PI4KA: variants seen among roughly 807,000 people sequenced by gnomAD.
PI4KA encodes phosphatidylinositol 4-kinase alpha.
A neutral mutation model predicts 271.4 loss-of-function variants in PI4KA; 122 were observed. The ratio of observed to expected loss-of-function variants is 0.45; its 90% CI spans 0.39 to 0.52. The LOEUF is 0.52. Ranked by LOEUF, PI4KA falls within the 20% of genes least tolerant of loss-of-function variation. The pLI is 0.00. For synonymous variants in PI4KA, 1,041 were observed against 1,078.8 expected (o/e 0.96, Z 0.69); for missense variants, 1,969 against 2,769.1 (o/e 0.71, Z 6.48).
chr22:20,769,880 G>T (rs1932795572), intron 19 of PI4KA, among the ~76,000 whole-genome samples: 1 of 152,150 alleles, frequency 6.6e-6, no homozygotes, highest in Non-Finnish European at 1.5e-5. Context: ...AGGAGTGATG[G>T]TAGCACAGCA....
At chr22:20,736,918 C>G (rs1204346937) in intron 32 of PI4KA, 1 of 153,350 alleles carries the variant, frequency 6.5e-6, no homozygotes, top group Admixed American at 6.5e-5. Flanking sequence ...AGGGGCCACA[C>G]TGGCAGCTAC....
intron 44 of PI4KA, 109 bp from the exon 45 acceptor site, chr22:20,717,887 G>A (rs1268313029): frequency 1.5e-5 from 11 of 722,022 alleles, no homozygotes; most frequent in South Asian, 3.1e-5. Flanking sequence ...CTCTCTTCCC[G>A]GCTCTAGCTG....
At chr22:20,808,070 C>T (rs1423820029) in intron 9 of PI4KA, among the ~76,000 whole-genome samples, 1 of 151,680 alleles carries the variant, frequency 6.6e-6, no homozygotes, top group Non-Finnish European at 1.5e-5. Flanking sequence ...GAGGGTGGAT[C>T]ACCTGAGGTC....
At chr22:20,746,205 G>GTA (rs1316554148) in intron 29 of PI4KA, among the ~76,000 whole-genome samples, 4 of 151,802 alleles carry the variant, frequency 2.6e-5, no homozygotes, top group Middle Eastern at 3.4e-3. Context: ...TGGGACTACA[G>GTA]GCGCCTGCCA....
chr22:20,742,221 G>C lies in PI4KA; in HGVS notation c.3741+7C>G, dbSNP rs756604212. 6.2e-6 allele frequency: 10 copies of C among 1,613,536 alleles called. No homozygotes were observed. The highest frequency in any genetic ancestry group is 7.6e-6 in the Non-Finnish European group (9 of 1,179,724). On this transcript the variant is annotated splice_region_variant and intron_variant, in intron 32 of 54. Transcript: ENST00000255882. ...TCCTCACTGCCAACCCGAGGTCAGG[G>C]TCCTACCGGCACTTCCACTCCATCC...
At chr22:20,797,598 A>G (rs1204726945) in intron 17 of PI4KA, among the ~76,000 whole-genome samples, 1 of 152,198 alleles carries the variant, frequency 6.6e-6, no homozygotes, top group East Asian at 1.9e-4. Flanking sequence ...AAGGCAATGA[A>G]GTAGTATCGA....
At chr22:20,777,009 A>G (rs1425364673) in intron 19 of PI4KA, among the ~76,000 whole-genome samples, 5 of 151,658 alleles carry the variant, frequency 3.3e-5, no homozygotes, top group African/African-American at 1.2e-4. Flanking sequence ...GGTCACAGAC[A>G]CAAAATAAGC....
At chr22:20,821,058 G>C (rs1453105964) in intron 4 of PI4KA, among the ~76,000 whole-genome samples, 2 of 152,138 alleles carry the variant, frequency 1.3e-5, no homozygotes, top group Non-Finnish European at 2.9e-5. Flanking sequence ...GTAGTGCTCA[G>C]AATAAAATAC....
chr22:20,818,163 C>T (rs1379929175), intron 7 of PI4KA, among the ~76,000 whole-genome samples: 2 of 152,066 alleles, frequency 1.3e-5, no homozygotes, highest in Non-Finnish European at 2.9e-5. Context: ...GTACTTCCAC[C>T]TGAAAAGAAC....
intron 19 of PI4KA, chr22:20,779,583 G>A (rs372976032): frequency 8.7e-6 from 14 of 1,614,200 alleles, no homozygotes; most frequent in East Asian, 2.2e-5. Context: ...TGAAGACGAC[G>A]ACTACATCGA....
Position 20,815,926 on chromosome 22 carries a change from G to A in PI4KA, c.857-2420C>T, listed in dbSNP as rs117963813. Among the ~76,000 whole-genome samples the A allele has an allele frequency of 8.1e-3, 1,226 of 151,488 alleles. 9 individuals are homozygous for A. Among genetic ancestry groups the A allele is most frequent in the East Asian group, 0.056 (286 of 5,146 alleles). ...AACATTTGGGATTTACGCAGGGGGT[G>A]TCATTGAAACTTCTTTTTTTTTTTT... On this transcript the variant is annotated intron_variant, in intron 7 of 54. Coordinates refer to ENST00000255882, the MANE Select transcript of PI4KA (RefSeq NM_058004.4).
intron 45 of PI4KA, among the ~76,000 whole-genome samples, chr22:20,714,932 C>T (rs558889993): frequency 6.6e-6 from 1 of 152,318 alleles, no homozygotes; most frequent in Non-Finnish European, 1.5e-5. Flanking sequence ...TAAGTCTGCA[C>T]CTTCTGGGAA....
intron 19 of PI4KA, among the ~76,000 whole-genome samples, chr22:20,788,647 T>C (rs955683584): frequency 5.3e-5 from 8 of 152,240 alleles, no homozygotes; most frequent in African/African-American, 1.9e-4. Context: ...AGGGGCTGGA[T>C]GAATTGCCCC....
In PI4KA at chr22:20,818,545, C is replaced by G; in HGVS notation, c.794G>C (p.Ser265Thr). 2 of 1,542,272 alleles carry G rather than the reference C, an allele frequency of 1.3e-6. No homozygotes were observed. The highest frequency in any genetic ancestry group is 2.5e-5 in the South Asian group (2 of 78,638). The change falls in exon 7 of 55, where the codon AGC becomes ACC. Residue 265 changes from serine (S) to threonine (T), a missense_variant. Physicochemically the swap from Ser to Thr is moderately conservative, Grantham distance 58 (BLOSUM62 1). Transcript: ENST00000255882. ...TSSVSSISQV[S>T]PERGMPPPSS... is the part of the protein sequence containing the mutation. The stretch of plus-strand genomic sequence containing the variant: ...GGGAGGGGGCATGCCGCGTTCAGGG[C>G]TGACCTGAAACACACAACCACAGTT...
At chr22:20,816,772 C>T (rs753301644) in intron 7 of PI4KA, among the ~76,000 whole-genome samples, 2 of 152,196 alleles carry the variant, frequency 1.3e-5, no homozygotes, top group Non-Finnish European at 2.9e-5. Flanking sequence ...GCAAAGTGGG[C>T]GGCAGCCAAG....
At chr22:20,799,013 G>A in intron 16 of PI4KA, 80 bp downstream of exon 16, 1 of 1,161,906 alleles carries the variant, frequency 8.6e-7, no homozygotes, top group Non-Finnish European at 1.2e-6. Flanking sequence ...TATTTAATCT[G>A]TATTTGTACA....
chr22:20,744,630 C>A lies in PI4KA; in HGVS notation c.3454G>T (p.Glu1152Ter). Residue 1152 changes from glutamate (E) to a stop codon, truncating the protein, a stop_gained and splice_region_variant, in exon 30 of 55, where the codon GAG becomes TAG. Coordinates refer to ENST00000255882, the MANE Select transcript of PI4KA (RefSeq NM_058004.4). LOFTEE classifies it high-confidence loss of function. ...GGGCGCAAGGACAAGAGAAGCACCT[C>A]GCCCGCGTAGCGGTTGCGCAGATTC... ...SLNLRNRYAG[E>*]VYGMIRFSGT... The A allele has an allele frequency of 6.2e-7, 1 of 1,613,024 alleles. No individual in the cohort carries two copies.
At chr22:20,827,324 A>G (rs762046037) in intron 3 of PI4KA, among the ~76,000 whole-genome samples, 8 of 152,054 alleles carry the variant, frequency 5.3e-5, no homozygotes, top group Non-Finnish European at 8.8e-5. Flanking sequence ...TTTCCCCATT[A>G]CTTGTTTTGT....
At chr22:20,749,194 T>C (rs1330383876) in intron 28 of PI4KA, among the ~76,000 whole-genome samples, 2 of 152,228 alleles carry the variant, frequency 1.3e-5, no homozygotes, top group Non-Finnish European at 2.9e-5. Flanking sequence ...TGGAGCTGGC[T>C]GCTCTATCCT....
Sources: allele counts gnomAD v4.1 joint callset (sites outside exome capture counted in the v4.1 genomes callset), GRCh38; gene constraint gnomAD v4.1.1; transcripts MANE v1.5; gene names NCBI Gene and HGNC (gene_info 2026-07-23, HGNC 2026-07-21).